HABP4: variants seen among roughly 807,000 people sequenced by gnomAD.
HABP4 encodes the protein hyaluronan binding protein 4, also known as intracellular hyaluronan-binding protein 4.
Under a neutral mutation model 44.1 loss-of-function variants are expected in HABP4, and 32 were observed. The ratio of observed to expected loss-of-function variants is 0.73; its 90% CI spans 0.55 to 0.97. The LOEUF (loss-of-function observed/expected upper bound fraction) is 0.97. Ranked by LOEUF, HABP4 falls within the 50% of genes least tolerant of loss-of-function variation. HABP4 has a pLI of 0.00. For missense variants in HABP4, 503 were observed against 561.9 expected (o/e 0.90, Z 1.06); for synonymous variants, 216 against 218.0 (o/e 0.99, Z 0.08).
intron 1 of HABP4, among the ~76,000 whole-genome samples, chr9:96,455,237 G>A (rs1404331328): frequency 6.6e-6 from 1 of 152,078 alleles, no homozygotes; most frequent in South Asian, 2.1e-4. Flanking sequence ...GGTCACCTGA[G>A]GTCAGGAGTT....
At chr9:96,475,142 C>T (rs759101645) in intron 5 of HABP4, among the ~76,000 whole-genome samples, 10 of 152,116 alleles carry the variant, frequency 6.6e-5, no homozygotes, top group Admixed American at 1.3e-4. Context: ...TTTGGGAGGC[C>T]GAGGTGGGTG....
chr9:96,456,737 G>A (rs769077043), intron 1 of HABP4, among the ~76,000 whole-genome samples: 143 of 115,034 alleles, frequency 1.2e-3, no homozygotes, highest in Admixed American at 2.0e-3. Context: ...TCCAGCCTGG[G>A]CAACAGAGCA....
intron 5 of HABP4, among the ~76,000 whole-genome samples, chr9:96,475,174 A>G (rs1832762659): frequency 6.6e-6 from 1 of 152,130 alleles, no homozygotes; most frequent in Non-Finnish European, 1.5e-5. Context: ...CAGGAGATCA[A>G]GACCATCTTG....
chr9:96,487,816 C>G (rs1483931245), intron 6 of HABP4, among the ~76,000 whole-genome samples: 3 of 152,224 alleles, frequency 2.0e-5, no homozygotes, highest in African/African-American at 7.2e-5. Context: ...CACTTGAAAT[C>G]ATAATAAGTT....
At chr9:96,456,868 G>A (rs1350468799) in intron 1 of HABP4, among the ~76,000 whole-genome samples, 2 of 136,722 alleles carry the variant, frequency 1.5e-5, no homozygotes, top group African/African-American at 5.5e-5. Context: ...AATGTGGAGA[G>A]TAATTTGTAC....
Position 96,484,454 on chromosome 9 carries a change from C to G in HABP4, c.828-8C>G. ...AAGTATTCTTTATGATTATATATCT[C>G]TTTATAGAGTTCCTGAGTTGGAGGT... On this transcript the variant is annotated splice_region_variant and splice_polypyrimidine_tract_variant and intron_variant, in intron 5 of 7. Transcript: ENST00000375249. The G allele has an allele frequency of 7.5e-7, 1 of 1,332,010 alleles. No individual in the cohort carries two copies. Among genetic ancestry groups the G allele is most frequent in the Non-Finnish European group, 1.1e-6 (1 of 931,162 alleles). 82.5% of individuals were successfully genotyped at this position (1,332,010 alleles called of 1,614,324 possible). A position where few individuals can be genotyped will look rare whatever the true frequency, so the allele number is the denominator to read the frequency against.
In HABP4 at chr9:96,479,247, A is replaced by G. The variant is rs1832835728; in HGVS notation, c.828-5215A>G. Among the ~76,000 whole-genome samples the G allele has an allele frequency of 4.6e-5, 7 of 152,338 alleles. No homozygotes were observed. In the South Asian group the frequency reaches 1.4e-3, roughly 32 times the overall value. On this transcript the variant is annotated intron_variant, in intron 5 of 7. Transcript: ENST00000375249. Reference sequence around the variant, plus strand: ...TTGTGCTTTTAATCATTTGTTGCACATAAAACAGTCACAGCATTACCAACA... The same window carrying G: ...TTGTGCTTTTAATCATTTGTTGCACGTAAAACAGTCACAGCATTACCAACA...
chr9:96,450,219 C>A lies in HABP4; in HGVS notation c.-61C>A. On this transcript the variant is annotated 5_prime_UTR_variant, in exon 1 of 8. Transcript: ENST00000375249. This position sits in a 1 kb window ranked among gnomAD's most constrained non-coding sequence, Gnocchi z 4.8. Reference sequence around the variant, plus strand: ...AGCGGGCGGCATGGGTCCTGGCCGCCGGCTTCGCTGAGACGCGCTCGCGTG... The same window carrying A: ...AGCGGGCGGCATGGGTCCTGGCCGCAGGCTTCGCTGAGACGCGCTCGCGTG... 1 of 1,283,552 alleles carries A rather than the reference C, an allele frequency of 7.8e-7. No homozygotes were observed. The highest frequency in any genetic ancestry group is 2.1e-5 in the South Asian group (1 of 47,966). The allele number at this position is 1,283,552 out of a possible 1,614,324, so 79.5% of individuals were successfully genotyped here.
At chr9:96,451,566 G>C (rs978169534) in intron 1 of HABP4, 2 of 642,888 alleles carry the variant, frequency 3.1e-6, no homozygotes, top group African/African-American at 2.0e-5. Context: ...TGGCTTTATT[G>C]GTTTGTTCCT....
chr9:96,473,342 G>A (rs1305799009), intron 5 of HABP4, among the ~76,000 whole-genome samples: 1 of 152,126 alleles, frequency 6.6e-6, no homozygotes, highest in Non-Finnish European at 1.5e-5. Flanking sequence ...AAACCTACGA[G>A]TCATCCTTGG....
chr9:96,461,197 G>A (rs1179186453), intron 2 of HABP4, among the ~76,000 whole-genome samples: 1 of 152,176 alleles, frequency 6.6e-6, no homozygotes, highest in East Asian at 1.9e-4. Context: ...GCACAACAGT[G>A]TGAATGTACT....
intron 7 of HABP4, among the ~76,000 whole-genome samples, chr9:96,489,237 C>T (rs1833033468): frequency 6.6e-6 from 1 of 152,128 alleles, no homozygotes; most frequent in African/African-American, 2.4e-5. Context: ...AGGGTCTATT[C>T]TGCGATAGGA....
chr9:96,463,776 A>C (rs374852895), intron 2 of HABP4, among the ~76,000 whole-genome samples: 3 of 152,076 alleles, frequency 2.0e-5, no homozygotes, highest in Admixed American at 2.0e-4. Context: ...GTATACTTTT[A>C]CCCACTATTG....
intron 6 of HABP4, among the ~76,000 whole-genome samples, chr9:96,486,392 C>T (rs1031135620): frequency 1.3e-5 from 2 of 152,200 alleles, no homozygotes; most frequent in African/African-American, 4.8e-5. Context: ...TGGTTCTTAA[C>T]CTGTCCACTT....
At chr9:96,467,949 C>G (rs190245625) in intron 4 of HABP4, among the ~76,000 whole-genome samples, 33 of 152,342 alleles carry the variant, frequency 2.2e-4, no homozygotes, top group African/African-American at 7.7e-4. Flanking sequence ...GAGGGCCAGC[C>G]TTGGCCTTGT....
In HABP4 at chr9:96,465,083, G is replaced by A. The variant is rs541377736; in HGVS notation, c.513-254G>A. Among the ~76,000 whole-genome samples the A allele has an allele frequency of 6.6e-5, 10 of 152,190 alleles. No homozygotes were observed. In the South Asian group the frequency reaches 1.7e-3, roughly 25 times the overall value. On this transcript the variant is annotated intron_variant, in intron 2 of 7. Transcript: ENST00000375249. ...ACCACTTAGCCTACTCTCTGCTTCCGTTTCCTCATCTATAGGCAATAATTG... is the reference window on the plus strand; with the variant it reads ...ACCACTTAGCCTACTCTCTGCTTCCATTTCCTCATCTATAGGCAATAATTG...
At chr9:96,455,955 C>T (rs1014252255) in intron 1 of HABP4, among the ~76,000 whole-genome samples, 4 of 151,962 alleles carry the variant, frequency 2.6e-5, no homozygotes, top group Non-Finnish European at 2.9e-5. Flanking sequence ...CTTGGAAGGC[C>T]GAGGCAGGAG....
intron 5 of HABP4, among the ~76,000 whole-genome samples, chr9:96,477,256 T>C (rs993661285): frequency 5.3e-5 from 8 of 152,250 alleles, no homozygotes; most frequent in Admixed American, 5.2e-4. Flanking sequence ...TTTAAAATTC[T>C]GTCACAAGTA....
Position 96,458,536 on chromosome 9 carries a change from T to A in HABP4, c.507T>A (p.Asp169Glu). ...ACTTCACAGCTGAGAAGTTTCCAGA[T>A]GAAAAGTATGTGCTGCAGTCCTCAG... ...QADFTAEKFP[D>E]EKPGDRFDRD... Residue 169 changes from aspartate to glutamate, a missense_variant, in exon 2 of 8, where the codon GAT becomes GAA. Physicochemically the swap from Asp to Glu is conservative, Grantham distance 45 (BLOSUM62 2). Transcript: ENST00000375249. 6.2e-7 allele frequency: 1 copy of A among 1,611,426 alleles called. No homozygotes were observed. The highest frequency in any genetic ancestry group is 2.2e-5 in the East Asian group (1 of 44,866).
Sources: allele counts gnomAD v4.1 joint callset (sites outside exome capture counted in the v4.1 genomes callset), GRCh38; gene constraint gnomAD v4.1.1; non-coding constraint Gnocchi (gnomAD v3.1); transcripts MANE v1.5; gene names NCBI Gene and HGNC (gene_info 2026-07-23, HGNC 2026-07-21).